Variants in CSTPP1 observed in about 807,000 individuals in gnomAD.
The protein encoded by CSTPP1 is UPF0705 protein C11orf49.
At chr11:47,150,908 AT>A in the CSTPP1 span, among the ~76,000 whole-genome samples, 1 of 113,844 alleles carries the variant, frequency 8.8e-6, no homozygotes, top group African/African-American at 3.3e-5. Flanking sequence ...TTTTTTTGAC[AT>A]GGAGTCTTGC....
the CSTPP1 span, among the ~76,000 whole-genome samples, chr11:47,139,221 CAG>C: frequency 6.6e-6 from 1 of 152,098 alleles, no homozygotes; most frequent in Non-Finnish European, 1.5e-5. Flanking sequence ...GCTCTGAAGA[CAG>C]AGTTGGAGGG....
At chr11:46,954,711 G>A in the CSTPP1 span, among the ~76,000 whole-genome samples, 9 of 151,392 alleles carry the variant, frequency 5.9e-5, no homozygotes, top group African/African-American at 1.7e-4. Flanking sequence ...AATCAAATGG[G>A]TCTATAAGAG....
chr11:46,997,106 C>T, the CSTPP1 span, among the ~76,000 whole-genome samples: 1 of 152,252 alleles, frequency 6.6e-6, no homozygotes, highest in African/African-American at 2.4e-5. Context: ...TGGCTTTCCT[C>T]GCTAGGTTGG....
At chr11:46,937,462 G>A in the CSTPP1 span, among the ~76,000 whole-genome samples, 1 of 152,146 alleles carries the variant, frequency 6.6e-6, no homozygotes, top group Admixed American at 6.6e-5. Flanking sequence ...GACTGTATAT[G>A]TAGTACTTTG....
the CSTPP1 span, chr11:47,161,087 G>A: frequency 1.2e-6 from 2 of 1,613,200 alleles, no homozygotes; most frequent in Admixed American, 3.3e-5. Flanking sequence ...CTGGCTGAAG[G>A]GCCCTCAGAT....
the CSTPP1 span, among the ~76,000 whole-genome samples, chr11:47,058,485 T>A: frequency 2.6e-5 from 4 of 152,162 alleles, no homozygotes; most frequent in African/African-American, 4.8e-5. Flanking sequence ...TTATTTTAAA[T>A]CATATAAATA....
chr11:46,963,981 ATAAC>A, the CSTPP1 span, among the ~76,000 whole-genome samples: 2 of 152,164 alleles, frequency 1.3e-5, no homozygotes, highest in South Asian at 4.1e-4. Context: ...AAAATAATAA[ATAAC>A]AACCTATTAT....
the CSTPP1 span, among the ~76,000 whole-genome samples, chr11:46,944,396 A>G: frequency 1.3e-5 from 2 of 152,250 alleles, no homozygotes; most frequent in African/African-American, 4.8e-5. Flanking sequence ...TAGGTGCTCA[A>G]TAAATATTAG....
chr11:47,052,311 C>T, the CSTPP1 span: 28 of 1,521,074 alleles, frequency 1.8e-5, no homozygotes, highest in Non-Finnish European at 2.2e-5. Flanking sequence ...GTGGTTCTCT[C>T]TGGTCTCAAT....
chr11:47,142,888 T>A, the CSTPP1 span, among the ~76,000 whole-genome samples: 75 of 152,218 alleles, frequency 4.9e-4, no homozygotes, highest in African/African-American at 1.7e-3. Flanking sequence ...ACTTACCCAC[T>A]CCTCACCTAG....
At chr11:47,011,613 G>A in the CSTPP1 span, among the ~76,000 whole-genome samples, 372 of 152,350 alleles carry the variant, frequency 2.4e-3, 1 homozygote, top group African/African-American at 8.2e-3. Flanking sequence ...GGTAGGCCAT[G>A]TATCCATCCT....
At chr11:47,122,136 A>G in the CSTPP1 span, among the ~76,000 whole-genome samples, 1 of 139,338 alleles carries the variant, frequency 7.2e-6, no homozygotes, top group Non-Finnish European at 1.5e-5. Flanking sequence ...AATGAGATCT[A>G]TGGAGGATAT....
At chr11:47,085,072 T>C in the CSTPP1 span, among the ~76,000 whole-genome samples, 2 of 151,882 alleles carry the variant, frequency 1.3e-5, no homozygotes, top group Non-Finnish European at 2.9e-5. Flanking sequence ...GGCGTGGTGG[T>C]GGACACCTGT....
chr11:47,059,307 T>G, the CSTPP1 span, among the ~76,000 whole-genome samples: 1 of 151,832 alleles, frequency 6.6e-6, no homozygotes, highest in Non-Finnish European at 1.5e-5. Flanking sequence ...ATCTATCCCG[T>G]TTTTTTTAGA....
chr11:47,052,251 A>G, the CSTPP1 span: 1 of 1,113,442 alleles, frequency 9.0e-7, no homozygotes, highest in Admixed American at 2.4e-5. Flanking sequence ...GACTAGGTCT[A>G]ATCTAGAGTT....
the CSTPP1 span, among the ~76,000 whole-genome samples, chr11:47,003,898 G>T: frequency 2.0e-5 from 3 of 152,316 alleles, no homozygotes; most frequent in African/African-American, 7.2e-5. Flanking sequence ...TCTAGGTCTA[G>T]ATTATTGCTA....
the CSTPP1 span, among the ~76,000 whole-genome samples, chr11:47,066,061 ATTTC>A: frequency 1.8e-4 from 19 of 107,198 alleles, no homozygotes; most frequent in Non-Finnish European, 3.0e-4. Context: ...AGGTTATTTT[ATTTC>A]TTTCTTTCTA....
chr11:47,157,297 A>G, the CSTPP1 span: 33 of 1,444,628 alleles, frequency 2.3e-5, no homozygotes, highest in African/African-American at 4.6e-4. Context: ...GCTCCGCAGG[A>G]TGTTCTGCGC....
chr11:47,018,510 G>A, the CSTPP1 span, among the ~76,000 whole-genome samples: 1 of 151,790 alleles, frequency 6.6e-6, no homozygotes, highest in Non-Finnish European at 1.5e-5. Flanking sequence ...GGCCAGGCTG[G>A]TCTTGAACTC....
Sources: allele counts gnomAD v4.1 joint callset (sites outside exome capture counted in the v4.1 genomes callset), GRCh38; gene constraint gnomAD v4.1.1; transcripts MANE v1.5; gene names NCBI Gene and HGNC (gene_info 2026-07-23, HGNC 2026-07-21).